Variants in CERS3 observed in about 807,000 individuals in gnomAD.
CERS3 encodes LAG1 homolog, ceramide synthase 3.
Under a neutral mutation model 50.3 loss-of-function variants are expected in CERS3, and 33 were observed. That is an observed-to-expected ratio of 0.66 (90% CI 0.50 to 0.88). CERS3 has a LOEUF of 0.88. Among genes scored for constraint, CERS3 ranks in the 40% least tolerant of loss-of-function variants. The pLI is 0.00. For synonymous variants in CERS3, 176 were observed against 155.2 expected (o/e 1.13, Z -0.99); for missense variants, 470 against 460.3 (o/e 1.02, Z -0.19).
intron 2 of CERS3, 29 bp downstream of exon 2, chr15:100,521,638 G>GTAAAA (rs942065861): frequency 2.0e-5 from 3 of 151,852 alleles, no homozygotes; most frequent in East Asian, 1.9e-4. Context: ...CACAGTAGAG[G>GTAAAA]TAAAATAAAA....
At chr15:100,474,413 C>CTTT (rs146346575) in intron 8 of CERS3, among the ~76,000 whole-genome samples, 5 of 148,468 alleles carry the variant, frequency 3.4e-5, no homozygotes, top group Admixed American at 3.3e-4. Flanking sequence ...TCTTTTTTTT[C>CTTT]TTTTTTTTTT....
chr15:100,469,528 C>T (rs372728156), intron 9 of CERS3, 44 bp from the exon 10 acceptor site: 2 of 1,322,126 alleles, frequency 1.5e-6, no homozygotes, highest in Non-Finnish European at 2.2e-6. Context: ...CAATAGCCTA[C>T]ATTTTTAAAG....
rs200947503 is a variant in CERS3, at chr15:100,402,694, G to T, written c.*19C>A. On this transcript the variant is annotated 3_prime_UTR_variant, in exon 12 of 12. Transcript: ENST00000679737. The stretch of plus-strand genomic sequence containing the variant: ...GTACTTGCAGCATGCTGTGCCATGG[G>T]AGTCCTGTAGGCTTCCAGCTAATGG... 779 of 1,611,982 alleles carry T rather than the reference G, an allele frequency of 4.8e-4. 1 individual carries two copies. Among genetic ancestry groups the T allele is most frequent in the Non-Finnish European group, 6.0e-4 (711 of 1,179,368 alleles).
intron 11 of CERS3, among the ~76,000 whole-genome samples, chr15:100,454,085 A>G (rs374466729): frequency 5.4e-4 from 82 of 152,326 alleles, no homozygotes; most frequent in African/African-American, 1.9e-3. Flanking sequence ...GATTCAATTC[A>G]ATCTCTACCA....
intron 11 of CERS3, among the ~76,000 whole-genome samples, chr15:100,440,536 C>T (rs750011220): frequency 1.2e-4 from 18 of 152,238 alleles, no homozygotes; most frequent in Non-Finnish European, 2.2e-4. Context: ...CCTGCCTGCA[C>T]CCAGGTGAAA....
intron 11 of CERS3, among the ~76,000 whole-genome samples, chr15:100,447,660 C>A (rs951772913): frequency 5.3e-5 from 8 of 152,348 alleles, no homozygotes; most frequent in Admixed American, 2.0e-4. Flanking sequence ...AGGCTCAACT[C>A]AAACTCCATC....
intron 11 of CERS3, among the ~76,000 whole-genome samples, chr15:100,446,993 G>A (rs557710462): frequency 5.9e-5 from 9 of 152,272 alleles, no homozygotes; most frequent in African/African-American, 2.2e-4. Context: ...AGCAGCCCCT[G>A]AAAGAAATTG....
rs1491268346 is a variant in CERS3, at chr15:100,483,765, A to ATTATT, written c.407+784_407+785insAATAA. ...TCACATCATTGGCAGAAGGATCAAT[A>ATTATT]ATAATAATAATTATTATTATTATTT... is the stretch of plus-strand genomic sequence containing the variant. On this transcript the variant is annotated intron_variant, in intron 5 of 11. Transcript: ENST00000679737. 3.8e-5 allele frequency among the ~76,000 whole-genome samples: 5 copies of ATTATT among 131,410 alleles called. 2 individuals are homozygous for ATTATT. The highest frequency in any genetic ancestry group is 6.3e-5 in the Non-Finnish European group (4 of 63,648). 86.2% of individuals were successfully genotyped at this position (131,410 alleles called of 152,430 possible). A position where few individuals can be genotyped will look rare whatever the true frequency, so the allele number is the denominator to read the frequency against.
rs2030455763 is a variant in CERS3, at chr15:100,400,747, AG to A, written c.*1965del. On this transcript the variant is annotated 3_prime_UTR_variant, in exon 12 of 12. Transcript: ENST00000679737. ...GAGACAAAAACCAAATAAGCAAAGA[AG>A]AAAGCATACCGTTAACTGAAAACAT... 1 of 152,168 alleles carries A rather than the reference AG, an allele frequency of 6.6e-6. No homozygotes were observed. The highest frequency in any genetic ancestry group is 1.5e-5 in the Non-Finnish European group (1 of 68,030). 9.4% of individuals were successfully genotyped at this position (152,168 alleles called of 1,614,324 possible).
chr15:100,469,368 G>A lies in CERS3; in HGVS notation c.845+10C>T. The A allele has an allele frequency of 1.2e-6, 2 of 1,605,550 alleles. No homozygotes were observed. The highest frequency in any genetic ancestry group is 1.3e-5 in the African/African-American group (1 of 74,822). On this transcript the variant is annotated intron_variant, in intron 10 of 11. Coordinates refer to ENST00000679737, the MANE Select transcript of CERS3 (RefSeq NM_001378789.1). The stretch of plus-strand genomic sequence containing the variant: ...TGACCAAAGGCAGGGCACATCACCG[G>A]TCTACTCACCAGAAAGGAAAAACAA...
At chr15:100,485,055 G>A (rs2035446068) in intron 4 of CERS3, among the ~76,000 whole-genome samples, 1 of 152,106 alleles carries the variant, frequency 6.6e-6, no homozygotes, top group Non-Finnish European at 1.5e-5. Context: ...TTCCTATGGG[G>A]AACTGAAGCC....
At chr15:100,420,224 C>T (rs200695785) in intron 11 of CERS3, among the ~76,000 whole-genome samples, 50,638 of 139,572 alleles carry the variant, frequency 0.36, 9,797 homozygotes, top group East Asian at 0.55. Context: ...ATCAAATAGA[C>T]GCAATAAAAA....
chr15:100,482,697 C>A (rs1265906900), intron 5 of CERS3, among the ~76,000 whole-genome samples: 2 of 151,944 alleles, frequency 1.3e-5, no homozygotes, highest in Non-Finnish European at 2.9e-5. Context: ...CACCAAGGAA[C>A]AAACACACTG....
Position 100,402,547 on chromosome 15 carries a change from T to C in CERS3, c.*166A>G, listed in dbSNP as rs1198726115. ...TCCATGGGCATGCTTATATTTAACATTTTAACACAAGTTAACAACATTTTG... is the reference window on the plus strand; with the variant it reads ...TCCATGGGCATGCTTATATTTAACACTTTAACACAAGTTAACAACATTTTG... On this transcript the variant is annotated 3_prime_UTR_variant, in exon 12 of 12. Transcript: ENST00000679737. 9.3e-6 allele frequency: 6 copies of C among 648,194 alleles called. No homozygotes were observed. Among genetic ancestry groups the C allele is most frequent in the East Asian group, 8.4e-5 (3 of 35,538 alleles). The allele number at this position is 648,194 out of a possible 1,614,324, so 40.2% of individuals were successfully genotyped here. A position where few individuals can be genotyped will look rare whatever the true frequency, so the allele number is the denominator to read the frequency against.
At chr15:100,448,927 G>C (rs2034048404) in intron 11 of CERS3, among the ~76,000 whole-genome samples, 2 of 152,182 alleles carry the variant, frequency 1.3e-5, no homozygotes, top group Non-Finnish European at 2.9e-5. Flanking sequence ...CCTATCCACA[G>C]CTGCTACCTG....
At position 100,467,852 on chromosome 15, in the gene CERS3, TA is replaced by T. The variant is rs2034825381; in HGVS notation, c.845+1525del. 1.0e-4 allele frequency among the ~76,000 whole-genome samples: 13 copies of T among 126,394 alleles called. No homozygotes were observed. The South Asian group carries it at 2.6e-3, about 25-fold the overall frequency. 82.9% of individuals were successfully genotyped at this position (126,394 alleles called of 152,430 possible). On this transcript the variant is annotated intron_variant, in intron 10 of 11. Coordinates refer to ENST00000679737, the MANE Select transcript of CERS3 (RefSeq NM_001378789.1). ...ATATATACGTGTATATATATATATA[TA>T]GATAGATAGATAGATAGATAGATAG...
At chr15:100,487,350 G>C (rs1260416938) in intron 4 of CERS3, among the ~76,000 whole-genome samples, 1 of 152,060 alleles carries the variant, frequency 6.6e-6, no homozygotes, top group Non-Finnish European at 1.5e-5. Context: ...ACTATTCTAA[G>C]CACTTTATAT....
chr15:100,526,943 C>A (rs541089548), intron 1 of CERS3, among the ~76,000 whole-genome samples: 60 of 152,204 alleles, frequency 3.9e-4, no homozygotes, highest in Non-Finnish European at 8.1e-4. Flanking sequence ...TAATAAACAA[C>A]CTCGTTTGAT....
intron 11 of CERS3, among the ~76,000 whole-genome samples, chr15:100,438,495 T>A (rs567344698): frequency 1.3e-5 from 2 of 152,336 alleles, no homozygotes; most frequent in Admixed American, 1.3e-4. Context: ...GTTTTTCTAG[T>A]TATTAATTTT....
Sources: allele counts gnomAD v4.1 joint callset (sites outside exome capture counted in the v4.1 genomes callset), GRCh38; gene constraint gnomAD v4.1.1; transcripts MANE v1.5; gene names NCBI Gene and HGNC (gene_info 2026-07-23, HGNC 2026-07-21).